Variants in CDH8 observed in about 807,000 individuals in gnomAD.
CDH8 encodes cadherin-8.
A neutral mutation model predicts 68.1 loss-of-function variants in CDH8; 17 were observed. The ratio of observed to expected loss-of-function variants is 0.25; its 90% CI spans 0.17 to 0.37. The LOEUF is 0.37. CDH8 is among the 10% of genes least tolerant of loss of function. The probability of loss-of-function intolerance (pLI) is 1.00; values close to 1 mark genes in which losing one functional copy is unlikely to be tolerated. For synonymous variants in CDH8, 372 were observed against 365.1 expected, an observed-to-expected ratio of 1.02 and a Z score of -0.21; for missense variants, 763 against 999.3, an observed-to-expected ratio of 0.76 and a Z score of 3.19.
chr16:61,849,117 T>C (rs1962883896), intron 4 of CDH8, among the ~76,000 whole-genome samples: 1 of 152,120 alleles, frequency 6.6e-6, no homozygotes, highest in Admixed American at 6.6e-5. Flanking sequence ...CTATCTGAAA[T>C]GCAAAGAACA....
chr16:61,652,597 C>G lies in CDH8; in HGVS notation c.*1011G>C. The G allele has an allele frequency of 9.6e-7, 1 of 1,040,460 alleles. No homozygotes were observed. Among genetic ancestry groups the G allele is most frequent in the Non-Finnish European group, 1.2e-6 (1 of 842,972 alleles). 64.5% of individuals were successfully genotyped at this position (1,040,460 alleles called of 1,614,324 possible). On this transcript the variant is annotated 3_prime_UTR_variant, in exon 12 of 12. Transcript: ENST00000577390. ...CGATAATATTGCCTGCCATACTCAT[C>G]TCATCAAAATGTACATGTATTAAAC...
At chr16:61,795,355 C>T (rs1751988971) in intron 7 of CDH8, among the ~76,000 whole-genome samples, 1 of 151,984 alleles carries the variant, frequency 6.6e-6, no homozygotes, top group African/African-American at 2.4e-5. Flanking sequence ...AGTAGCACCA[C>T]ATAAAATAGA....
intron 2 of CDH8, among the ~76,000 whole-genome samples, chr16:62,013,673 A>G (rs1447213137): frequency 1.3e-5 from 2 of 152,140 alleles, no homozygotes. Context: ...TAATGACTTT[A>G]TGCTATTCTG....
Position 61,889,582 on chromosome 16 carries a change from A to G in CDH8, c.547+11597T>C, listed in dbSNP as rs75490539. 7.8e-3 allele frequency among the ~76,000 whole-genome samples: 1,189 copies of G among 152,208 alleles called. 19 individuals carry two copies. Among genetic ancestry groups the G allele is most frequent in the African/African-American group, 0.027 (1,117 of 41,494 alleles). On this transcript the variant is annotated intron_variant, in intron 3 of 11. Coordinates refer to ENST00000577390, the MANE Select transcript of CDH8 (RefSeq NM_001796.5). The stretch of plus-strand genomic sequence containing the variant: ...ATATGTGTTTCGGAGCTGCCCTGAC[A>G]TGCAGTTAATTCATTTCTCTGACCA...
intron 8 of CDH8, among the ~76,000 whole-genome samples, chr16:61,773,335 T>C (rs1596954425): frequency 1.3e-5 from 2 of 151,970 alleles, no homozygotes; most frequent in African/African-American, 4.8e-5. Context: ...TGTAAATGCA[T>C]GTCTCTAGTT....
At chr16:61,695,354 C>T (rs570003028) in intron 10 of CDH8, among the ~76,000 whole-genome samples, 4 of 152,276 alleles carry the variant, frequency 2.6e-5, no homozygotes, top group African/African-American at 9.6e-5. Flanking sequence ...TTACTTAACA[C>T]ATTGCCATAG....
chr16:61,704,027 C>T (rs1389001648), intron 10 of CDH8, among the ~76,000 whole-genome samples: 1 of 152,098 alleles, frequency 6.6e-6, no homozygotes, highest in African/African-American at 2.4e-5. Flanking sequence ...GAGAATCAAG[C>T]AAGGTCTTAT....
At chr16:61,791,976 T>C (rs1961388744) in intron 7 of CDH8, among the ~76,000 whole-genome samples, 1 of 151,872 alleles carries the variant, frequency 6.6e-6, no homozygotes, top group Non-Finnish European at 1.5e-5. Flanking sequence ...CTTAAATCAA[T>C]CTCTGGCACT....
Position 61,978,353 on chromosome 16 carries a change from T to C in CDH8, c.252+42799A>G, listed in dbSNP as rs79674105. The stretch of plus-strand genomic sequence containing the variant: ...TATGCTTGCTGAGGGAAGTTACCCA[T>C]TGATGGTGGCAGTGTTGCTGTTGCC... On this transcript the variant is annotated intron_variant, in intron 2 of 11. Transcript: ENST00000577390. 3.7e-3 allele frequency among the ~76,000 whole-genome samples: 556 copies of C among 152,286 alleles called. 4 individuals carry two copies. Among genetic ancestry groups the C allele is most frequent in the African/African-American group, 0.013 (523 of 41,576 alleles).
At chr16:61,777,189 C>A (rs2142991427) in intron 8 of CDH8, among the ~76,000 whole-genome samples, 1 of 152,164 alleles carries the variant, frequency 6.6e-6, no homozygotes, top group Non-Finnish European at 1.5e-5. Flanking sequence ...TAAAGAAAAC[C>A]AAAGCCTGAG....
At chr16:61,820,246 G>A (rs2143000509) in intron 6 of CDH8, among the ~76,000 whole-genome samples, 1 of 151,040 alleles carries the variant, frequency 6.6e-6, no homozygotes, top group South Asian at 2.1e-4. Context: ...AATGGTAGCA[G>A]GGTTGGCCCT....
chr16:62,017,648 T>G (rs1901973908), intron 2 of CDH8, among the ~76,000 whole-genome samples: 1 of 152,204 alleles, frequency 6.6e-6, no homozygotes, highest in African/African-American at 2.4e-5. Flanking sequence ...GGACTCCAGC[T>G]TGAGTGACAG....
At chr16:61,884,895 T>C (rs1343421152) in intron 3 of CDH8, among the ~76,000 whole-genome samples, 3 of 152,056 alleles carry the variant, frequency 2.0e-5, no homozygotes, top group East Asian at 1.9e-4. Context: ...AACCCCTGCA[T>C]TGTTCAAGGG....
chr16:61,949,440 C>G (rs183435191), intron 2 of CDH8, among the ~76,000 whole-genome samples: 4 of 152,178 alleles, frequency 2.6e-5, no homozygotes, highest in Admixed American at 2.0e-4. Context: ...GCCACCCCAG[C>G]CAGCAGCAGC....
At chr16:61,871,953 T>C (rs2143057090) in intron 3 of CDH8, among the ~76,000 whole-genome samples, 2 of 149,566 alleles carry the variant, frequency 1.3e-5, no homozygotes, top group Admixed American at 1.3e-4. Flanking sequence ...GAGCAGTATA[T>C]CCATCCGGTG....
intron 7 of CDH8, among the ~76,000 whole-genome samples, chr16:61,789,960 T>C (rs1246710591): frequency 3.3e-5 from 5 of 152,086 alleles, no homozygotes; most frequent in Admixed American, 2.6e-4. Context: ...ATTTTGTTGT[T>C]GGTGGTGGTC....
At chr16:61,815,959 AT>A (rs373590656) in intron 7 of CDH8, among the ~76,000 whole-genome samples, 242 of 151,624 alleles carry the variant, frequency 1.6e-3, no homozygotes, top group African/African-American at 5.4e-3. Flanking sequence ...GCCAATGTAA[AT>A]TTTTTTTTGG....
chr16:61,983,991 C>T (rs542927438), intron 2 of CDH8, among the ~76,000 whole-genome samples: 1 of 152,110 alleles, frequency 6.6e-6, no homozygotes, highest in African/African-American at 2.4e-5. Flanking sequence ...CATCTCAGCT[C>T]ACTGCAACCT....
At chr16:61,771,360 G>A (rs2142985929) in intron 8 of CDH8, among the ~76,000 whole-genome samples, 1 of 150,224 alleles carries the variant, frequency 6.7e-6, no homozygotes, top group African/African-American at 2.4e-5. Context: ...TCAAATGCTG[G>A]CTCAGTATGG....
Sources: gnomAD v4.1 joint callset for allele counts (sites outside exome capture counted in the v4.1 genomes callset) on GRCh38, gnomAD v4.1.1 for gene constraint, MANE v1.5 for transcripts, NCBI Gene and HGNC (gene_info 2026-07-23, HGNC 2026-07-21) for gene names.